SWT1: variants seen among roughly 807,000 people sequenced by gnomAD.
The protein encoded by SWT1 is SWT1 RNA endoribonuclease homolog, also known as transcriptional protein SWT1.
Under a neutral mutation model 107.3 loss-of-function variants are expected in SWT1, and 33 were observed. The observed-to-expected ratio is 0.31, with a 90% CI of 0.23 to 0.41. The LOEUF (loss-of-function observed/expected upper bound fraction) is 0.41, where lower values mean the gene tolerates loss of function less well. Ranked by LOEUF, SWT1 falls within the 10% of genes least tolerant of loss-of-function variation. SWT1 has a pLI of 1.00. For synonymous variants in SWT1, 345 were observed against 348.3 expected, an observed-to-expected ratio of 0.99 and a Z score of 0.11; for missense variants, 898 against 1,028.9, an observed-to-expected ratio of 0.87 and a Z score of 1.74.
intron 16 of SWT1, 60 bp from the exon 17 acceptor site, chr1:185,271,263 A>G: frequency 2.3e-6 from 2 of 857,584 alleles, no homozygotes; most frequent in South Asian, 1.4e-5. Context: ...AGAAAGTTCA[A>G]GGTATTGGTT....
chr1:185,241,637 T>G (rs899933359), intron 16 of SWT1, among the ~76,000 whole-genome samples: 1 of 152,190 alleles, frequency 6.6e-6, no homozygotes, highest in Non-Finnish European at 1.5e-5. Context: ...GAAACTGTCT[T>G]ACTTTTCTGT....
At chr1:185,220,557 A>G (rs1659579728) in intron 14 of SWT1, among the ~76,000 whole-genome samples, 3 of 151,984 alleles carry the variant, frequency 2.0e-5, no homozygotes, top group Admixed American at 1.3e-4. Context: ...ATCTCCTAAG[A>G]CTTGTCTCCA....
At chr1:185,247,348 G>C (rs560800496) in intron 16 of SWT1, among the ~76,000 whole-genome samples, 28 of 152,312 alleles carry the variant, frequency 1.8e-4, no homozygotes, top group Non-Finnish European at 3.5e-4. Context: ...GAAAGGGGAA[G>C]ATACAATGTT....
intron 16 of SWT1, among the ~76,000 whole-genome samples, chr1:185,248,158 C>T (rs192489595): frequency 6.6e-6 from 1 of 152,264 alleles, no homozygotes; most frequent in Non-Finnish European, 1.5e-5. Context: ...TAATGTATTT[C>T]CCGTATAGAA....
chr1:185,186,572 A>G (rs1656482445), intron 9 of SWT1, among the ~76,000 whole-genome samples: 1 of 152,166 alleles, frequency 6.6e-6, no homozygotes, highest in Non-Finnish European at 1.5e-5. Context: ...CTATATTTGG[A>G]AAAACATTAA....
intron 13 of SWT1, among the ~76,000 whole-genome samples, chr1:185,208,531 G>A (rs574278531): frequency 6.6e-6 from 1 of 152,094 alleles, no homozygotes; most frequent in Non-Finnish European, 1.5e-5. Flanking sequence ...AATGATAAAT[G>A]CTTAAGGTCA....
chr1:185,274,376 T>C (rs1193747686), intron 17 of SWT1, among the ~76,000 whole-genome samples: 1 of 150,442 alleles, frequency 6.6e-6, no homozygotes, highest in Non-Finnish European at 1.5e-5. Flanking sequence ...CACTAGATCC[T>C]TGAACTCCTA....
intron 15 of SWT1, among the ~76,000 whole-genome samples, chr1:185,229,742 A>G (rs1387599066): frequency 6.6e-6 from 1 of 152,092 alleles, no homozygotes; most frequent in Non-Finnish European, 1.5e-5. Context: ...TGGGTATTAC[A>G]TATTCTCTTT....
chr1:185,187,366 AT>A (rs1184824305), intron 9 of SWT1, among the ~76,000 whole-genome samples: 1 of 151,876 alleles, frequency 6.6e-6, no homozygotes, highest in African/African-American at 2.4e-5. Context: ...AAAGTTATAT[AT>A]TTTTTATAAT....
At chr1:185,237,372 T>TA (rs1022480729) in intron 16 of SWT1, among the ~76,000 whole-genome samples, 9 of 152,036 alleles carry the variant, frequency 5.9e-5, no homozygotes, top group Non-Finnish European at 2.9e-5. Context: ...TATACAGCCA[T>TA]AAAAAAGGAT....
In SWT1 at chr1:185,269,943, T is replaced by A. The variant is rs140916978; in HGVS notation, c.2442-1380T>A. The stretch of plus-strand genomic sequence containing the variant: ...TACTTAGGATGTTTTCAATTTACGA[T>A]GGGTTTATCGGGGTGTATCCCCATT... On this transcript the variant is annotated intron_variant, in intron 16 of 18. Transcript: ENST00000367500. Among the ~76,000 whole-genome samples, 597 of 152,358 alleles carry A rather than the reference T, an allele frequency of 3.9e-3. 4 individuals are homozygous for A. The highest frequency in any genetic ancestry group is 0.014 in the African/African-American group (575 of 41,584).
chr1:185,259,904 C>G (rs1662901702), intron 16 of SWT1, among the ~76,000 whole-genome samples: 1 of 151,930 alleles, frequency 6.6e-6, no homozygotes, highest in Non-Finnish European at 1.5e-5. Flanking sequence ...AGAGAGATAC[C>G]CTGATGACCT....
chr1:185,173,375 T>A (rs1203332691), intron 4 of SWT1, among the ~76,000 whole-genome samples: 2 of 152,020 alleles, frequency 1.3e-5, no homozygotes, highest in South Asian at 4.1e-4. Context: ...TTTCTCCCAC[T>A]GTTTTTAAGT....
intron 14 of SWT1, among the ~76,000 whole-genome samples, chr1:185,215,163 T>C (rs1232767218): frequency 2.6e-5 from 4 of 152,204 alleles, no homozygotes; most frequent in Non-Finnish European, 5.9e-5. Context: ...TTATTTACCC[T>C]GATTCTCCAA....
At chr1:185,217,836 T>C (rs1659338598) in intron 14 of SWT1, among the ~76,000 whole-genome samples, 1 of 152,198 alleles carries the variant, frequency 6.6e-6, no homozygotes, top group Non-Finnish European at 1.5e-5. Context: ...CCTCAGGTGA[T>C]CCACCCACCT....
intron 4 of SWT1, among the ~76,000 whole-genome samples, chr1:185,171,112 G>A (rs1052397694): frequency 6.6e-6 from 1 of 151,676 alleles, no homozygotes. Context: ...TAAAGTCACC[G>A]TCTCCTTCTA....
intron 10 of SWT1, among the ~76,000 whole-genome samples, 189 bp from the exon 11 acceptor site, chr1:185,202,465 A>G (rs1657961413): frequency 6.6e-6 from 1 of 152,064 alleles, no homozygotes. Flanking sequence ...TTATATATAT[A>G]TATATAAAGC....
At chr1:185,215,348 A>G (rs977712651) in intron 14 of SWT1, among the ~76,000 whole-genome samples, 4 of 151,900 alleles carry the variant, frequency 2.6e-5, no homozygotes, top group Non-Finnish European at 4.4e-5. Flanking sequence ...TTCCATATGT[A>G]TTTTCTAAAA....
intron 14 of SWT1, among the ~76,000 whole-genome samples, chr1:185,217,142 T>C (rs1659284965): frequency 6.6e-6 from 1 of 152,224 alleles, no homozygotes; most frequent in South Asian, 2.1e-4. Context: ...CCATCCACGC[T>C]GTTTCCAGGA....
Sources: gnomAD v4.1 joint callset for allele counts (sites outside exome capture counted in the v4.1 genomes callset) on GRCh38, gnomAD v4.1.1 for gene constraint, MANE v1.5 for transcripts, NCBI Gene and HGNC (gene_info 2026-07-23, HGNC 2026-07-21) for gene names.